NR1H3: variants seen among roughly 807,000 people sequenced by gnomAD.
NR1H3 encodes the protein nuclear receptor subfamily 1 group H member 3.
Under a neutral mutation model 48.1 loss-of-function variants are expected in NR1H3, and 19 were observed. The ratio of observed to expected loss-of-function variants is 0.40; its 90% CI spans 0.28 to 0.58. The LOEUF (loss-of-function observed/expected upper bound fraction) is 0.58, where lower values mean the gene tolerates loss of function less well. Ranked by LOEUF, NR1H3 falls within the 20% of genes least tolerant of loss-of-function variation. The pLI is 0.50. For synonymous variants in NR1H3, 232 were observed against 227.3 expected (o/e 1.02, Z -0.19); for missense variants, 486 against 595.9 (o/e 0.82, Z 1.92).
chr11:47,258,230 G>A, intron 1 of NR1H3, 101 bp downstream of exon 1: 1 of 981,914 alleles, frequency 1.0e-6, no homozygotes, highest in Non-Finnish European at 1.2e-6. Context: ...CTGGGGAGAA[G>A]TGAGGGGTGA....
intron 1 of NR1H3, among the ~76,000 whole-genome samples, chr11:47,249,296 A>C (rs757946696): frequency 7.2e-5 from 11 of 152,106 alleles, no homozygotes; most frequent in Admixed American, 2.0e-4. Context: ...GGTGCAGGAC[A>C]CAGTATGTAA....
rs908103354 is a variant in NR1H3, at chr11:47,248,941, C to G, written c.-151C>G. The G allele has an allele frequency of 9.1e-6, 14 of 1,533,526 alleles. No individual in the cohort carries two copies. In the East Asian group the frequency reaches 1.5e-4, roughly 16 times the overall value. 95.0% of individuals were successfully genotyped at this position (1,533,526 alleles called of 1,614,324 possible). On this transcript the variant is annotated 5_prime_UTR_variant, in exon 1 of 9. Transcript: ENST00000395397. ...CTGGGGTGCGGGGAAAAGGCGCAGT[C>G]TCGGTGGGATTGCGTGCAGGAGGGT... is the stretch of plus-strand genomic sequence containing the variant.
Position 47,261,900 on chromosome 11 carries a change from G to T in NR1H3, c.889-19G>T. 6.2e-7 allele frequency: 1 copy of T among 1,612,184 alleles called. No homozygotes were observed. On this transcript the variant is annotated intron_variant, in intron 6 of 9. Transcript: ENST00000441012. ...CCAGCCCTCCTAGTCCCCGTTTGAG[G>T]TTTGCTGCTTGTGTGCAGGTGATGC...
At chr11:47,261,832 G>A (rs756564632) in intron 6 of NR1H3, 87 bp from the exon 7 acceptor site, 6 of 1,597,242 alleles carry the variant, frequency 3.8e-6, no homozygotes, top group Admixed American at 3.3e-5. Context: ...GGGAAGCAGG[G>A]ATGAGGAGAA....
intron 1 of NR1H3, among the ~76,000 whole-genome samples, chr11:47,251,617 A>T (rs1954663265): frequency 6.6e-6 from 1 of 151,758 alleles, no homozygotes; most frequent in Admixed American, 6.6e-5. Flanking sequence ...GTCTCAAAAA[A>T]AAAAATAAAA....
chr11:47,268,780 AG>A lies in NR1H3; in HGVS notation c.*87del. 1 of 1,502,502 alleles carries A rather than the reference AG, an allele frequency of 6.7e-7. No individual in the cohort carries two copies. Among genetic ancestry groups the A allele is most frequent in the Non-Finnish European group, 9.0e-7 (1 of 1,108,702 alleles). The allele number at this position is 1,502,502 out of a possible 1,614,324, so 93.1% of individuals were successfully genotyped here. ...CTCCTAGAAGTGGAACAGACTGAGA[AG>A]GGCAAACATTCCTGGGAGCTGGGCA... On this transcript the variant is annotated 3_prime_UTR_variant, in exon 10 of 10. Coordinates refer to ENST00000441012, the MANE Select transcript of NR1H3 (RefSeq NM_005693.4).
Position 47,261,573 on chromosome 11 carries a change from T to G in NR1H3, c.735T>G (p.His245Gln). Reference protein sequence around the residue: ...VTPWPMAPDPHSREARQQRFA... With the variant: ...VTPWPMAPDPQSREARQQRFA... ...CTTGGCCCATGGCACCAGATCCCCA[T>G]AGCCGGGAGGCCCGTCAGCAGCGCT... The change falls in exon 6 of 10, where the codon CAT becomes CAG. Residue 245 changes from histidine to glutamine, a missense_variant. Coordinates refer to ENST00000441012, the MANE Select transcript of NR1H3 (RefSeq NM_005693.4). 1 of 1,614,186 alleles carries G rather than the reference T, an allele frequency of 6.2e-7. No homozygotes were observed. Among genetic ancestry groups the G allele is most frequent in the South Asian group, 1.1e-5 (1 of 91,084 alleles).
At chr11:47,253,837 C>G (rs1003660884), upstream of NR1H3, among the ~76,000 whole-genome samples, 1 of 152,160 alleles carries the variant, frequency 6.6e-6, no homozygotes, top group East Asian at 1.9e-4. Flanking sequence ...GCCCATAGGA[C>G]TGGGGGACTT....
Position 47,268,255 on chromosome 11 carries a change from C to T in NR1H3, c.1103-6C>T, listed in dbSNP as rs1957243394. 3 of 1,613,776 alleles carry T rather than the reference C, an allele frequency of 1.9e-6. No homozygotes were observed. The highest frequency in any genetic ancestry group is 1.3e-5 in the African/African-American group (1 of 74,986). ...CCTGCTCCTCAACTCTCTTGGTGAC[C>T]TATAGACCGGCCCAACGTGCAGGAC... On this transcript the variant is annotated splice_region_variant and splice_polypyrimidine_tract_variant and intron_variant, in intron 8 of 9. Transcript: ENST00000441012.
chr11:47,260,785 G>A (rs1955760749), intron 4 of NR1H3, 110 bp downstream of exon 4: 2 of 1,358,720 alleles, frequency 1.5e-6, no homozygotes, highest in African/African-American at 2.9e-5. Flanking sequence ...CCTAAGTATG[G>A]ATCCCAGTAT....
intron 2 of NR1H3, 97 bp downstream of exon 2, chr11:47,259,356 T>G: frequency 6.2e-7 from 1 of 1,604,846 alleles, no homozygotes; most frequent in Non-Finnish European, 8.5e-7. Context: ...TCTTCCTTCC[T>G]CCAGAGAGCA....
At chr11:47,259,366 A>T (rs139548968) in intron 2 of NR1H3, 107 bp downstream of exon 2, 16 of 1,601,862 alleles carry the variant, frequency 1.0e-5, no homozygotes, top group Middle Eastern at 3.3e-4. Flanking sequence ...TCCAGAGAGC[A>T]GTCCAGAGTC....
At position 47,259,205 on chromosome 11, in the gene NR1H3, C is replaced by A; in HGVS notation, c.-12C>A. 6.2e-7 allele frequency: 1 copy of A among 1,614,180 alleles called. No individual in the cohort carries two copies. The highest frequency in any genetic ancestry group is 8.5e-7 in the Non-Finnish European group (1 of 1,180,014). On this transcript the variant is annotated 5_prime_UTR_variant, in exon 2 of 10. Coordinates refer to ENST00000441012, the MANE Select transcript of NR1H3 (RefSeq NM_005693.4). ...GACAGTGCCTTGGTAATGACCAGGG[C>A]TCCAGGAAGAGATGTCCTTGTGGCT...
At chr11:47,262,335 C>T (rs756772946) in intron 7 of NR1H3, among the ~76,000 whole-genome samples, 19 of 149,544 alleles carry the variant, frequency 1.3e-4, no homozygotes, top group Non-Finnish European at 2.5e-4. Flanking sequence ...GCCAAGATCG[C>T]ACCACTGCAC....
At chr11:47,260,882 C>T (rs928235931) in intron 4 of NR1H3, among the ~76,000 whole-genome samples, 3 of 151,980 alleles carry the variant, frequency 2.0e-5, no homozygotes, top group African/African-American at 4.8e-5. Flanking sequence ...ATCAGAAGTC[C>T]GAGACCAGCC....
chr11:47,265,905 T>G (rs540339016), intron 7 of NR1H3, among the ~76,000 whole-genome samples: 1 of 152,158 alleles, frequency 6.6e-6, no homozygotes, highest in African/African-American at 2.4e-5. Context: ...TTACAAACAC[T>G]TATGTGGTAG....
At chr11:47,257,316 G>A (rs891781900), upstream of NR1H3, among the ~76,000 whole-genome samples, 1 of 152,144 alleles carries the variant, frequency 6.6e-6, no homozygotes, top group African/African-American at 2.4e-5. Flanking sequence ...GCTGCCACCT[G>A]AGTTGCCTGT....
At chr11:47,267,526 T>TA (rs1956754778) in intron 7 of NR1H3, among the ~76,000 whole-genome samples, 1 of 151,956 alleles carries the variant, frequency 6.6e-6, no homozygotes, top group Non-Finnish European at 1.5e-5. Flanking sequence ...TTTTTTTTTT[T>TA]TTGACGGAAT....
At chr11:47,250,727 C>T (rs556219846) in intron 1 of NR1H3, among the ~76,000 whole-genome samples, 15 of 152,250 alleles carry the variant, frequency 9.9e-5, no homozygotes, top group Non-Finnish European at 1.8e-4. Flanking sequence ...CCATTTATTA[C>T]AGGTTTCATA....
Sources: allele counts gnomAD v4.1 joint callset (sites outside exome capture counted in the v4.1 genomes callset), GRCh38; gene constraint gnomAD v4.1.1; transcripts MANE v1.5; gene names NCBI Gene and HGNC (gene_info 2026-07-23, HGNC 2026-07-21).